The following EPB41L4B variants were observed in gnomAD, a reference collection of about 807,000 sequenced individuals.
The protein encoded by EPB41L4B is erythrocyte membrane protein band 4.1 like 4B.
EPB41L4B carries 30 observed loss-of-function variants against 112.5 expected under a neutral mutation model. The observed-to-expected ratio is 0.27, with a 90% CI of 0.20 to 0.36. The LOEUF (loss-of-function observed/expected upper bound fraction) is 0.36, where lower values mean the gene tolerates loss of function less well. EPB41L4B is among the 10% of genes least tolerant of loss of function. The pLI is 1.00. For missense variants in EPB41L4B, 1,024 were observed against 1,133.3 expected (o/e 0.90, Z 1.38); for synonymous variants, 408 against 439.7 (o/e 0.93, Z 0.90).
intron 1 of EPB41L4B, among the ~76,000 whole-genome samples, 187 bp downstream of exon 1, chr9:109,319,954 G>C (rs951702127): frequency 6.6e-6 from 1 of 152,144 alleles, no homozygotes; most frequent in Non-Finnish European, 1.5e-5. Context: ...CAAAGGTGGG[G>C]CCCCGGAAGA....
In EPB41L4B at chr9:109,256,715, G is replaced by C. The variant is rs183842758; in HGVS notation, c.753-235C>G. Among the ~76,000 whole-genome samples the C allele has an allele frequency of 1.6e-3, 240 of 152,344 alleles. 1 individual carries two copies. In the East Asian group the frequency reaches 0.017, roughly 11 times the overall value. ...CCCAGCACTTTGGGAGGCCAAGGTTGGTGGATCACTTGAGGTCAGGAGTTC... is the reference window on the plus strand; with the variant it reads ...CCCAGCACTTTGGGAGGCCAAGGTTCGTGGATCACTTGAGGTCAGGAGTTC... On this transcript the variant is annotated intron_variant, in intron 7 of 25. Transcript: ENST00000374566.
At chr9:109,261,117 G>C (rs1415033646) in intron 6 of EPB41L4B, among the ~76,000 whole-genome samples, 1 of 152,212 alleles carries the variant, frequency 6.6e-6, no homozygotes, top group African/African-American at 2.4e-5. Context: ...AAGTGGGTGA[G>C]TGGCCGGAGT....
intron 24 of EPB41L4B, among the ~76,000 whole-genome samples, chr9:109,180,177 C>G (rs1167461006): frequency 6.6e-6 from 1 of 152,192 alleles, no homozygotes. Context: ...CCCCGCCCGC[C>G]CTGGGGGTCT....
At chr9:109,271,891 C>T (rs752898821) in intron 2 of EPB41L4B, among the ~76,000 whole-genome samples, 74 of 152,178 alleles carry the variant, frequency 4.9e-4, no homozygotes, top group Admixed American at 5.2e-4. Context: ...AAATCCTTTC[C>T]ATAAATCAAG....
chr9:109,281,722 A>AAATAAATAAATT (rs1250851380), intron 1 of EPB41L4B, among the ~76,000 whole-genome samples: 3 of 125,500 alleles, frequency 2.4e-5, no homozygotes, highest in African/African-American at 8.5e-5. Context: ...ATAAATAAAT[A>AAATAAATAAATT]AATTAATTAA....
At chr9:109,290,754 C>CCA (rs1465469438) in intron 1 of EPB41L4B, among the ~76,000 whole-genome samples, 9 of 141,826 alleles carry the variant, frequency 6.3e-5, no homozygotes, top group African/African-American at 2.1e-4. Flanking sequence ...CATATATATA[C>CCA]CTCACACACA....
intron 15 of EPB41L4B, among the ~76,000 whole-genome samples, chr9:109,224,332 C>A (rs1287122517): frequency 6.6e-6 from 1 of 152,078 alleles, no homozygotes; most frequent in Non-Finnish European, 1.5e-5. Flanking sequence ...CATGGTCTAT[C>A]CATACAAAAG....
chr9:109,205,144 T>C (rs1832953598), intron 18 of EPB41L4B, among the ~76,000 whole-genome samples: 1 of 152,234 alleles, frequency 6.6e-6, no homozygotes, highest in African/African-American at 2.4e-5. Flanking sequence ...GACTGTCCCA[T>C]GGGATTTCAT....
chr9:109,264,851 T>G (rs1835342151), intron 5 of EPB41L4B, 129 bp downstream of exon 5: 1 of 694,714 alleles, frequency 1.4e-6, no homozygotes, highest in Admixed American at 3.4e-5. Context: ...TAGACTCACT[T>G]TACAATGCCT....
intron 1 of EPB41L4B, among the ~76,000 whole-genome samples, chr9:109,306,860 C>A (rs566444996): frequency 1.3e-5 from 2 of 152,022 alleles, no homozygotes; most frequent in African/African-American, 2.4e-5. Flanking sequence ...CAGAGCTGAC[C>A]CAAGAATCCA....
At position 109,315,648 on chromosome 9, in the gene EPB41L4B, A is replaced by C. The variant is rs572513410; in HGVS notation, c.306+4493T>G. On this transcript the variant is annotated intron_variant, in intron 1 of 25. Coordinates refer to ENST00000374566, the MANE Select transcript of EPB41L4B (RefSeq NM_019114.5). ...AAGGGAAGTCACTTTATAGCCACAG[A>C]CCACAGCTTCCCAGTTTCTCCAATG... Among the ~76,000 whole-genome samples the C allele has an allele frequency of 2.1e-4, 32 of 152,184 alleles. 1 individual carries two copies. The South Asian group carries it at 6.5e-3, about 31-fold the overall frequency.
intron 15 of EPB41L4B, among the ~76,000 whole-genome samples, chr9:109,225,295 G>C (rs1451894873): frequency 1.3e-5 from 2 of 152,254 alleles, no homozygotes; most frequent in Non-Finnish European, 2.9e-5. Context: ...CAAGGATAAA[G>C]ACAAATGAGA....
chr9:109,251,832 A>AG (rs1347789644), intron 12 of EPB41L4B, among the ~76,000 whole-genome samples: 10 of 152,286 alleles, frequency 6.6e-5, no homozygotes, highest in African/African-American at 2.2e-4. Context: ...AGTGGGTAAA[A>AG]GGGAAAACAG....
intron 15 of EPB41L4B, chr9:109,241,688 G>A (rs765468404): frequency 7.4e-6 from 12 of 1,614,020 alleles, no homozygotes; most frequent in African/African-American, 5.3e-5. Context: ...AGTTTATCTC[G>A]ATACATCATA....
intron 6 of EPB41L4B, 50 bp from the exon 7 acceptor site, chr9:109,258,347 G>A: frequency 3.1e-6 from 5 of 1,593,132 alleles, no homozygotes; most frequent in Non-Finnish European, 4.3e-6. Context: ...AATGATTTCA[G>A]TTATTGCTGC....
intron 15 of EPB41L4B, among the ~76,000 whole-genome samples, chr9:109,218,429 C>T (rs72761849): frequency 0.061 from 9,236 of 152,116 alleles, 304 homozygotes; most frequent in African/African-American, 0.092. Flanking sequence ...CCCAGCCTAA[C>T]ACTAATAATT....
In EPB41L4B at chr9:109,173,728, G is replaced by A. The variant is rs544351694; in HGVS notation, c.*826C>T. 4 of 152,674 alleles carry A rather than the reference G, an allele frequency of 2.6e-5. No individual in the cohort carries two copies. The highest frequency in any genetic ancestry group is 6.5e-5 in the Admixed American group (1 of 15,286). 9.5% of individuals were successfully genotyped at this position (152,674 alleles called of 1,614,324 possible). On this transcript the variant is annotated 3_prime_UTR_variant, in exon 26 of 26. Transcript: ENST00000374566. ...TTTATTCCTGCAAAGTTGTTCAAGT[G>A]CATTAATAAAAATTTAAAAACACAT...
At chr9:109,216,242 C>T (rs563590229) in intron 16 of EPB41L4B, among the ~76,000 whole-genome samples, 225 of 152,092 alleles carry the variant, frequency 1.5e-3, no homozygotes, top group African/African-American at 5.0e-3. Context: ...CTGTGGCTCA[C>T]GCCTGTAATC....
At chr9:109,240,204 G>A in intron 15 of EPB41L4B, 1 of 985,294 alleles carries the variant, frequency 1.0e-6, no homozygotes, top group Non-Finnish European at 1.2e-6. Context: ...TTGTAAAAAT[G>A]CTATCAATAA....
Sources: allele counts gnomAD v4.1 joint callset (sites outside exome capture counted in the v4.1 genomes callset), GRCh38; gene constraint gnomAD v4.1.1; transcripts MANE v1.5; gene names NCBI Gene and HGNC (gene_info 2026-07-23, HGNC 2026-07-21).